The following STAM variants were observed in gnomAD, a reference collection of about 807,000 sequenced individuals.
The protein encoded by STAM is signal transducing adapter molecule 1.
STAM carries 16 observed loss-of-function variants against 63.4 expected under a neutral mutation model. The observed-to-expected ratio is 0.25, with a 90% CI of 0.17 to 0.38. STAM has a LOEUF of 0.38. STAM is among the 10% of genes least tolerant of loss of function. The pLI is 1.00. For synonymous variants in STAM, 238 were observed against 223.9 expected, an observed-to-expected ratio of 1.06 and a Z score of -0.56; for missense variants, 636 against 657.1, an observed-to-expected ratio of 0.97 and a Z score of 0.35.
chr10:17,662,815 A>G (rs549099383), intron 2 of STAM, among the ~76,000 whole-genome samples: 9 of 152,342 alleles, frequency 5.9e-5, no homozygotes, highest in African/African-American at 1.9e-4. Flanking sequence ...TACCTGGCAC[A>G]TGGCTGAATG....
chr10:17,709,011 C>A, intron 13 of STAM, 60 bp downstream of exon 13: 1 of 1,545,214 alleles, frequency 6.5e-7, no homozygotes, highest in East Asian at 2.3e-5. Context: ...TAAGTGCCCC[C>A]AGTTATCTAT....
intron 2 of STAM, among the ~76,000 whole-genome samples, chr10:17,675,951 C>T (rs1834837618): frequency 6.6e-6 from 1 of 152,044 alleles, no homozygotes; most frequent in South Asian, 2.1e-4. Context: ...TATCTGAGTA[C>T]TTCCAACACG....
In STAM at chr10:17,705,688, A is replaced by C. The variant is rs970594067; in HGVS notation, c.1156A>C (p.Lys386Gln). ...AGATCCGATGTATTCCATGTATGCA[A>C]AGTTACAGAATCAGCCATATTATAT... is the stretch of plus-strand genomic sequence containing the variant. Reference protein sequence around the residue: ...NEDPMYSMYAKLQNQPYYMQS... With the variant: ...NEDPMYSMYAQLQNQPYYMQS... Residue 386 changes from lysine (K) to glutamine (Q), a missense_variant, in exon 12 of 14, where the codon AAG (lysine) becomes CAG (glutamine). By Grantham distance (53) the Lys-to-Gln change is moderately conservative. Coordinates refer to ENST00000377524, the MANE Select transcript of STAM (RefSeq NM_003473.4). 6.2e-7 allele frequency: 1 copy of C among 1,614,018 alleles called. No homozygotes were observed. The highest frequency in any genetic ancestry group is 8.5e-7 in the Non-Finnish European group (1 of 1,179,970).
intron 9 of STAM, among the ~76,000 whole-genome samples, chr10:17,701,321 C>T (rs562788603): frequency 4.3e-4 from 66 of 152,126 alleles, no homozygotes; most frequent in African/African-American, 1.3e-3. Context: ...AACTTATTAC[C>T]ATGTTTTAAA....
chr10:17,678,130 C>T (rs1469429862), intron 2 of STAM, among the ~76,000 whole-genome samples: 2 of 152,176 alleles, frequency 1.3e-5, no homozygotes, highest in African/African-American at 2.4e-5. Context: ...CTCCCATTCC[C>T]ACCTCTCCTC....
In STAM at chr10:17,652,757, T is replaced by C. The variant is rs139950425; in HGVS notation, c.41-7707T>C. On this transcript the variant is annotated intron_variant, in intron 1 of 13. Transcript: ENST00000377524. ...AAAGTAATAACATGCTTTCCTTTTC[T>C]AAGATGAAGTAAGTGATATTGTTCA... 3.9e-3 allele frequency among the ~76,000 whole-genome samples: 594 copies of C among 152,288 alleles called. 3 individuals carry two copies. Among genetic ancestry groups the C allele is most frequent in the African/African-American group, 0.013 (557 of 41,556 alleles).
intron 1 of STAM, among the ~76,000 whole-genome samples, chr10:17,649,378 G>A (rs1436248158): frequency 6.9e-6 from 1 of 145,480 alleles, no homozygotes; most frequent in East Asian, 2.0e-4. Flanking sequence ...GGGCAAGAGA[G>A]TGAGACCCTG....
intron 8 of STAM, among the ~76,000 whole-genome samples, chr10:17,698,792 C>T (rs1554827960): frequency 6.6e-6 from 1 of 152,098 alleles, no homozygotes; most frequent in Non-Finnish European, 1.5e-5. Context: ...TGCAAACTTG[C>T]GCGTCAAGAG....
intron 12 of STAM, among the ~76,000 whole-genome samples, chr10:17,706,546 T>C (rs1836288207): frequency 6.6e-6 from 1 of 151,796 alleles, no homozygotes; most frequent in African/African-American, 2.4e-5. Context: ...GCCAGGCTAA[T>C]TTTTTTGTAT....
chr10:17,690,013 C>G (rs1306510086), intron 5 of STAM, among the ~76,000 whole-genome samples: 3 of 152,188 alleles, frequency 2.0e-5, no homozygotes, highest in Non-Finnish European at 4.4e-5. Context: ...GCCATATGTA[C>G]CCTTGTTTGG....
At chr10:17,686,801 G>GA (rs1210546983) in intron 4 of STAM, among the ~76,000 whole-genome samples, 1 of 152,130 alleles carries the variant, frequency 6.6e-6, no homozygotes, top group Non-Finnish European at 1.5e-5. Context: ...TGTGCACTTA[G>GA]AAAGAATTTT....
intron 2 of STAM, among the ~76,000 whole-genome samples, chr10:17,679,264 A>T (rs1834982817): frequency 1.3e-5 from 2 of 152,114 alleles, no homozygotes; most frequent in Admixed American, 1.3e-4. Context: ...CAGCCTAGTG[A>T]GTGTGAAGTG....
chr10:17,648,131 T>G (rs1018973330), intron 1 of STAM, among the ~76,000 whole-genome samples: 9 of 152,300 alleles, frequency 5.9e-5, no homozygotes, highest in African/African-American at 2.2e-4. Context: ...TGGCTGTACT[T>G]TAAAAATATA....
intron 1 of STAM, among the ~76,000 whole-genome samples, chr10:17,658,070 T>G (rs758952996): frequency 6.6e-6 from 1 of 152,122 alleles, no homozygotes; most frequent in Non-Finnish European, 1.5e-5. Flanking sequence ...ATTTTAGATC[T>G]TGATTCTTTT....
chr10:17,693,043 G>A (rs2131651083), intron 5 of STAM, among the ~76,000 whole-genome samples, 179 bp from the exon 6 acceptor site: 1 of 152,184 alleles, frequency 6.6e-6, no homozygotes, highest in South Asian at 2.1e-4. Flanking sequence ...TGCTCTCTGT[G>A]TTCTCCAATT....
At chr10:17,704,583 A>ATT in intron 10 of STAM, 65 bp downstream of exon 10, 2 of 1,339,174 alleles carry the variant, frequency 1.5e-6, no homozygotes, top group Non-Finnish European at 2.1e-6. Context: ...GTGTCCTGTT[A>ATT]AAGAATGGGT....
At position 17,716,519 on chromosome 10, in the gene STAM, T is replaced by A. The variant is rs1245604284; in HGVS notation, c.*1739T>A. On this transcript the variant is annotated 3_prime_UTR_variant, in exon 14 of 14. Coordinates refer to ENST00000377524, the MANE Select transcript of STAM (RefSeq NM_003473.4). ...ACTATAAGTTAGTTTTTGATAAATA[T>A]CTGTCGGATTATAATCTTTTCCACT... Among the ~76,000 whole-genome samples, 1 of 152,114 alleles carries A rather than the reference T, an allele frequency of 6.6e-6. No individual in the cohort carries two copies. The highest frequency in any genetic ancestry group is 2.4e-5 in the African/African-American group (1 of 41,426).
intron 8 of STAM, among the ~76,000 whole-genome samples, chr10:17,697,704 TAA>T (rs1183208926): frequency 6.6e-6 from 1 of 151,372 alleles, no homozygotes; most frequent in African/African-American, 2.4e-5. Flanking sequence ...AAGCAAAGTT[TAA>T]GTCATAATCT....
Position 17,695,215 on chromosome 10 carries a change from A to G in STAM, c.702A>G (p.Gly234=). Residue 234 remains glycine (G), a synonymous_variant, in exon 7 of 14, where the codon GGA becomes GGG. Coordinates refer to ENST00000377524, the MANE Select transcript of STAM (RefSeq NM_003473.4). Reference sequence around the variant, plus strand: ...ACAATGAACTTACTTTTAAAGCTGGAGAAATTATTACAGTTCTTGATGACA... The same window carrying G: ...ACAATGAACTTACTTTTAAAGCTGGGGAAATTATTACAGTTCTTGATGACA... The part of the protein sequence containing the change: ...AEDNELTFKA[G]EIITVLDDSD... 1.2e-6 allele frequency: 2 copies of G among 1,613,896 alleles called. No homozygotes were observed. Among genetic ancestry groups the G allele is most frequent in the Non-Finnish European group, 1.7e-6 (2 of 1,179,908 alleles).
Sources: allele counts gnomAD v4.1 joint callset (sites outside exome capture counted in the v4.1 genomes callset), GRCh38; gene constraint gnomAD v4.1.1; transcripts MANE v1.5; gene names NCBI Gene and HGNC (gene_info 2026-07-23, HGNC 2026-07-21).